Variants in NRP1 observed in about 807,000 individuals in gnomAD.
NRP1 encodes neuropilin-1.
NRP1 carries 35 observed loss-of-function variants against 106.7 expected under a neutral mutation model. That is an observed-to-expected ratio of 0.33 (90% CI 0.25 to 0.43). NRP1 has a LOEUF of 0.43. Among genes scored for constraint, NRP1 ranks in the 20% least tolerant of loss-of-function variants. The pLI is 1.00. For missense variants in NRP1, 1,024 were observed against 1,170.4 expected, an observed-to-expected ratio of 0.87 and a Z score of 1.83; for synonymous variants, 437 against 417.9, an observed-to-expected ratio of 1.05 and a Z score of -0.56.
intron 2 of NRP1, among the ~76,000 whole-genome samples, chr10:33,284,451 A>T (rs2132575814): frequency 6.6e-6 from 1 of 152,342 alleles, no homozygotes; most frequent in East Asian, 1.9e-4. Flanking sequence ...GTGCTCATTT[A>T]AAAATGTACA....
intron 2 of NRP1, among the ~76,000 whole-genome samples, chr10:33,285,174 A>G (rs952883485): frequency 1.3e-5 from 2 of 152,264 alleles, no homozygotes; most frequent in African/African-American, 4.8e-5. Context: ...CAAGGCTGAC[A>G]AATGCACTTA....
intron 11 of NRP1, chr10:33,202,613 T>C: frequency 6.6e-7 from 1 of 1,507,170 alleles, no homozygotes; most frequent in South Asian, 1.3e-5. Context: ...GTTTAGTACA[T>C]TTAGCCATGG....
chr10:33,313,758 C>T (rs1391309339), intron 2 of NRP1, among the ~76,000 whole-genome samples: 1 of 152,092 alleles, frequency 6.6e-6, no homozygotes, highest in Non-Finnish European at 1.5e-5. Context: ...GAAGACCGCA[C>T]CGTTAACTGA....
intron 2 of NRP1, chr10:33,288,429 G>A (rs1485840220): frequency 6.6e-6 from 1 of 152,330 alleles, no homozygotes; most frequent in Admixed American, 6.5e-5. Context: ...TTCACCCCTC[G>A]TTAGGCAAGC....
At chr10:33,246,380 G>T (rs1841426155) in intron 6 of NRP1, among the ~76,000 whole-genome samples, 1 of 152,118 alleles carries the variant, frequency 6.6e-6, no homozygotes, top group Non-Finnish European at 1.5e-5. Flanking sequence ...AGACTTCCTG[G>T]GTGGAAACTC....
intron 2 of NRP1, among the ~76,000 whole-genome samples, chr10:33,319,561 C>CTTT (rs1231412598): frequency 7.0e-6 from 1 of 142,652 alleles, no homozygotes; most frequent in Non-Finnish European, 1.5e-5. Context: ...GTGGTGCCAT[C>CTTT]TTTTTTTTTT....
chr10:33,240,376 A>G (rs375331328), intron 6 of NRP1, among the ~76,000 whole-genome samples: 7 of 152,348 alleles, frequency 4.6e-5, no homozygotes, highest in African/African-American at 1.7e-4. Flanking sequence ...AAGTGGCTCA[A>G]GATAAACACA....
intron 2 of NRP1, among the ~76,000 whole-genome samples, chr10:33,330,274 A>G (rs543171654): frequency 3.3e-5 from 5 of 152,246 alleles, no homozygotes; most frequent in African/African-American, 7.2e-5. Context: ...ACAGTTCAAT[A>G]TATCTCAAAT....
At chr10:33,183,288 G>A (rs1013502127) in intron 15 of NRP1, among the ~76,000 whole-genome samples, 15 of 151,242 alleles carry the variant, frequency 9.9e-5, no homozygotes, top group African/African-American at 3.2e-4. Context: ...CCTGGGTGAC[G>A]GAAGCAAGAG....
intron 15 of NRP1, among the ~76,000 whole-genome samples, chr10:33,184,473 A>G (rs1397112599): frequency 1.3e-5 from 2 of 152,236 alleles, no homozygotes; most frequent in African/African-American, 2.4e-5. Context: ...CTCACATCCC[A>G]AAACATCACC....
At chr10:33,218,584 A>C (rs542880381) in intron 8 of NRP1, among the ~76,000 whole-genome samples, 3 of 152,178 alleles carry the variant, frequency 2.0e-5, no homozygotes, top group African/African-American at 7.2e-5. Flanking sequence ...TGACCTCGTG[A>C]TCCACCTGCC....
chr10:33,320,397 G>T (rs1847415905), intron 2 of NRP1, among the ~76,000 whole-genome samples: 1 of 152,026 alleles, frequency 6.6e-6, no homozygotes, highest in Non-Finnish European at 1.5e-5. Context: ...GGAACCAGAG[G>T]CCCCAAAATT....
intron 4 of NRP1, among the ~76,000 whole-genome samples, chr10:33,262,024 C>A (rs1842609737): frequency 6.6e-6 from 1 of 152,226 alleles, no homozygotes; most frequent in African/African-American, 2.4e-5. Context: ...GTAGGAGCCA[C>A]AGCACCCGGT....
intron 6 of NRP1, among the ~76,000 whole-genome samples, chr10:33,241,959 G>A (rs963626997): frequency 3.9e-5 from 6 of 151,944 alleles, no homozygotes; most frequent in Admixed American, 1.3e-4. Context: ...ATAAATATTC[G>A]AAATCTAGAC....
intron 5 of NRP1, 133 bp downstream of exon 5, chr10:33,256,183 A>T: frequency 1.2e-6 from 1 of 832,208 alleles, no homozygotes; most frequent in Non-Finnish European, 1.9e-6. Flanking sequence ...AAAAACATTT[A>T]GAAGAGAAAA....
chr10:33,213,476 G>T lies in NRP1; in HGVS notation c.1524C>A (p.Asn508Lys). 1 of 1,613,978 alleles carries T rather than the reference G, an allele frequency of 6.2e-7. No homozygotes were observed. The highest frequency in any genetic ancestry group is 8.5e-7 in the Non-Finnish European group (1 of 1,180,018). Reference protein sequence around the residue: ...IIIQGGKHRENKVFMRKFKIG... With the variant: ...IIIQGGKHREKKVFMRKFKIG... ...TCTTGAACTTCCTCATGAACACCTTGTTCTCTCGGTGCTTCCCACCCTGAA... is the reference window on the plus strand; with the variant it reads ...TCTTGAACTTCCTCATGAACACCTTTTTCTCTCGGTGCTTCCCACCCTGAA... Residue 508 changes from asparagine to lysine, a missense_variant, in exon 9 of 17, where the codon AAC becomes AAA. Transcript: ENST00000374867.
chr10:33,188,654 A>G (rs867607949), intron 13 of NRP1, among the ~76,000 whole-genome samples: 8 of 151,874 alleles, frequency 5.3e-5, no homozygotes, highest in Non-Finnish European at 7.4e-5. Flanking sequence ...AGGTGGCTGA[A>G]TCACCTGAGG....
Position 33,280,411 on chromosome 10 carries a change from A to C in NRP1, c.249-9555T>G, listed in dbSNP as rs1226072575. ...AATTCACATGCCTTTAATTACAATA[A>C]ACTCAATTCCCATGTAAAACTGTGC... On this transcript the variant is annotated intron_variant, in intron 2 of 16. Coordinates refer to ENST00000374867, the MANE Select transcript of NRP1 (RefSeq NM_003873.7). Among the ~76,000 whole-genome samples, 4 of 152,280 alleles carry C rather than the reference A, an allele frequency of 2.6e-5. No individual in the cohort carries two copies. The East Asian group carries it at 5.8e-4, about 22-fold the overall frequency.
Position 33,207,628 on chromosome 10 carries a change from C to G in NRP1, c.1703G>C (p.Arg568Thr). ...STRFIRIYPE[R>T]ATHGGLGLRM... ...GAGCCCCAGTCCGCCATGAGTGGCT[C>G]TCTCGGGGTAGATCCTGATGAATCG... Residue 568 changes from arginine to threonine, a missense_variant, in exon 10 of 17, where the codon AGA becomes ACA. Physicochemically the swap from Arg to Thr is moderately conservative, Grantham distance 71 (BLOSUM62 -1). Around this residue, in one of 5 missense-constraint regions of NRP1, gnomAD observed 562 missense variants for 620.3 expected, o/e 0.91. Coordinates refer to ENST00000374867, the MANE Select transcript of NRP1 (RefSeq NM_003873.7). 1 of 1,614,196 alleles carries G rather than the reference C, an allele frequency of 6.2e-7. No individual in the cohort carries two copies. Among genetic ancestry groups the G allele is most frequent in the South Asian group, 1.1e-5 (1 of 91,076 alleles).
Sources: gnomAD v4.1 joint callset for allele counts (sites outside exome capture counted in the v4.1 genomes callset) on GRCh38, gnomAD v4.1.1 for gene constraint, gnomAD v4.1.1 regional missense constraint, MANE v1.5 for transcripts, NCBI Gene and HGNC (gene_info 2026-07-23, HGNC 2026-07-21) for gene names.